Variants in GABBR2 observed in about 807,000 individuals in gnomAD.
GABBR2 encodes G-protein coupled receptor 51.
GABBR2 carries 23 observed loss-of-function variants against 105.6 expected under a neutral mutation model. The observed-to-expected ratio is 0.22, with a 90% CI of 0.16 to 0.31. The LOEUF (loss-of-function observed/expected upper bound fraction) is 0.31, where lower values mean the gene tolerates loss of function less well. Among genes scored for constraint, GABBR2 ranks in the 10% least tolerant of loss-of-function variants. GABBR2 has a pLI of 1.00. For synonymous variants in GABBR2, 478 were observed against 499.7 expected (o/e 0.96, Z 0.58); for missense variants, 734 against 1,245.5 (o/e 0.59, Z 6.18).
At chr9:98,410,133 G>GTTTTT in intron 7 of GABBR2, among the ~76,000 whole-genome samples, 1 of 132,414 alleles carries the variant, frequency 7.6e-6, no homozygotes, top group African/African-American at 4.3e-5. Flanking sequence ...TTTTTTTTTG[G>GTTTTT]TTTCCCTCCC....
At chr9:98,607,026 G>A in intron 1 of GABBR2, 1 of 1,137,024 alleles carries the variant, frequency 8.8e-7, no homozygotes, top group Middle Eastern at 2.5e-4. Flanking sequence ...TGAAGGCTAT[G>A]TGGGATTTGC....
intron 2 of GABBR2, among the ~76,000 whole-genome samples, chr9:98,549,587 G>GTGC (rs1354660884): frequency 4.6e-5 from 7 of 152,174 alleles, no homozygotes; most frequent in Non-Finnish European, 8.8e-5. Flanking sequence ...TAATGTGGTG[G>GTGC]TGCTGCCATG....
chr9:98,646,208 G>T (rs1273825018), intron 1 of GABBR2, among the ~76,000 whole-genome samples: 1 of 152,184 alleles, frequency 6.6e-6, no homozygotes, highest in Non-Finnish European at 1.5e-5. Flanking sequence ...AATTGTTTGT[G>T]CAGACAATAT....
At chr9:98,307,038 C>T (rs1166734914) in intron 14 of GABBR2, among the ~76,000 whole-genome samples, 1 of 152,126 alleles carries the variant, frequency 6.6e-6, no homozygotes, top group East Asian at 1.9e-4. Context: ...CGTCTTAGAT[C>T]ACAAGGCTAT....
intron 3 of GABBR2, among the ~76,000 whole-genome samples, chr9:98,508,435 G>C (rs13293702): frequency 0.34 from 52,381 of 152,142 alleles, 9,282 homozygotes; most frequent in Middle Eastern, 0.5. Context: ...TGGGTGCAGC[G>C]CACCGTGCGC....
At chr9:98,486,416 G>C (rs16916419) in intron 4 of GABBR2, among the ~76,000 whole-genome samples, 1 of 152,176 alleles carries the variant, frequency 6.6e-6, no homozygotes, top group South Asian at 2.1e-4. Flanking sequence ...GCATTTAAGA[G>C]TGCAGGACAG....
At chr9:98,349,106 G>A (rs1831347924) in intron 13 of GABBR2, among the ~76,000 whole-genome samples, 1 of 101,732 alleles carries the variant, frequency 9.8e-6, no homozygotes, top group African/African-American at 3.0e-5. Flanking sequence ...TTTCTTCTAT[G>A]CCTAATTTGT....
rs1409332716 is a variant in GABBR2, at chr9:98,579,936, AG to A, written c.322-1865del. 9.2e-5 allele frequency among the ~76,000 whole-genome samples: 14 copies of A among 152,234 alleles called. No individual in the cohort carries two copies. In the East Asian group the frequency reaches 2.7e-3, roughly 29 times the overall value. On this transcript the variant is annotated intron_variant, in intron 1 of 18. Coordinates refer to ENST00000259455, the MANE Select transcript of GABBR2 (RefSeq NM_005458.8). ...CTATTCCCGCAGTCAGATGACCCTT[AG>A]GCAGGACTGTTGGAAAATGCTCTAA...
intron 1 of GABBR2, among the ~76,000 whole-genome samples, chr9:98,706,118 A>C (rs1588290905): frequency 6.6e-6 from 1 of 151,618 alleles, no homozygotes; most frequent in South Asian, 2.1e-4. Flanking sequence ...ACAAAAAAAA[A>C]AAAAAAAAGA....
At chr9:98,647,036 A>G (rs1217922369) in intron 1 of GABBR2, among the ~76,000 whole-genome samples, 1 of 152,232 alleles carries the variant, frequency 6.6e-6, no homozygotes, top group African/African-American at 2.4e-5. Flanking sequence ...GAGAAGAGGC[A>G]GGGAGGATAT....
intron 12 of GABBR2, 86 bp from the exon 13 acceptor site, chr9:98,362,923 C>A (rs1048241350): frequency 2.5e-6 from 3 of 1,212,142 alleles, no homozygotes. Flanking sequence ...TAGGGGGAAC[C>A]TGCATCATGA....
chr9:98,623,259 T>C (rs1173984556), intron 1 of GABBR2, among the ~76,000 whole-genome samples: 1 of 152,072 alleles, frequency 6.6e-6, no homozygotes, highest in Non-Finnish European at 1.5e-5. Flanking sequence ...ACCCTGTCTC[T>C]ACAAAAAATA....
At chr9:98,523,149 C>T (rs1357166030) in intron 3 of GABBR2, among the ~76,000 whole-genome samples, 3 of 151,740 alleles carry the variant, frequency 2.0e-5, no homozygotes, top group Non-Finnish European at 4.4e-5. Context: ...TAATAGCAAC[C>T]AAAACAAGAG....
intron 16 of GABBR2, among the ~76,000 whole-genome samples, chr9:98,301,557 G>T (rs972475789): frequency 6.6e-6 from 1 of 152,244 alleles, no homozygotes; most frequent in African/African-American, 2.4e-5. Flanking sequence ...TCATGTGGAG[G>T]AGGAGGGAAA....
At chr9:98,537,674 C>G (rs564073290) in intron 3 of GABBR2, among the ~76,000 whole-genome samples, 1 of 152,066 alleles carries the variant, frequency 6.6e-6, no homozygotes, top group Admixed American at 6.5e-5. Context: ...TGGGCTCAAG[C>G]AATCCTTCCA....
intron 7 of GABBR2, among the ~76,000 whole-genome samples, chr9:98,410,550 G>A (rs1294370177): frequency 6.7e-6 from 1 of 150,348 alleles, no homozygotes; most frequent in South Asian, 2.1e-4. Flanking sequence ...TTGCAGCAAG[G>A]GGAGCTACGA....
intron 3 of GABBR2, among the ~76,000 whole-genome samples, chr9:98,504,929 A>T (rs1827474437): frequency 6.6e-6 from 1 of 152,212 alleles, no homozygotes; most frequent in Non-Finnish European, 1.5e-5. Flanking sequence ...TAAGCTAATT[A>T]AAAAATTAGC....
intron 1 of GABBR2, among the ~76,000 whole-genome samples, chr9:98,586,922 C>T (rs1472685865): frequency 4.6e-5 from 7 of 152,152 alleles, no homozygotes; most frequent in African/African-American, 9.7e-5. Flanking sequence ...TATTTGCATA[C>T]GCGCCTCCTT....
At chr9:98,535,961 C>T (rs903593406) in intron 3 of GABBR2, among the ~76,000 whole-genome samples, 1 of 151,998 alleles carries the variant, frequency 6.6e-6, no homozygotes, top group African/African-American at 2.4e-5. Context: ...AAGAGTGAAC[C>T]CTAATGTAAA....
Sources: allele counts gnomAD v4.1 joint callset (sites outside exome capture counted in the v4.1 genomes callset), GRCh38; gene constraint gnomAD v4.1.1; transcripts MANE v1.5; gene names NCBI Gene and HGNC (gene_info 2026-07-23, HGNC 2026-07-21).